SNX29: variants seen among roughly 807,000 people sequenced by gnomAD.
SNX29 encodes sorting nexin 29, also known as sorting nexin-29.
SNX29 carries 78 observed loss-of-function variants against 102.1 expected under a neutral mutation model. The observed-to-expected ratio is 0.76, with a 90% CI of 0.64 to 0.92. The LOEUF is 0.92. Among genes scored for constraint, SNX29 ranks in the 40% least tolerant of loss-of-function variants. SNX29 has a pLI of 0.00. For missense variants in SNX29, 1,280 were observed against 1,061.7 expected (o/e 1.21, Z -2.86); for synonymous variants, 580 against 414.5 (o/e 1.40, Z -4.85).
chr16:12,565,515 C>T (rs1473803645), intron 20 of SNX29, among the ~76,000 whole-genome samples: 1 of 152,234 alleles, frequency 6.6e-6, no homozygotes, highest in Non-Finnish European at 1.5e-5. Flanking sequence ...CGAGACATGG[C>T]TCTGCTCCAC....
At chr16:12,393,282 A>G (rs1399173562) in intron 16 of SNX29, among the ~76,000 whole-genome samples, 1 of 151,576 alleles carries the variant, frequency 6.6e-6, no homozygotes, top group Non-Finnish European at 1.5e-5. Flanking sequence ...TTTTGTCTCC[A>G]AACTAACTTA....
At chr16:12,459,640 C>T (rs2086693141) in intron 18 of SNX29, among the ~76,000 whole-genome samples, 1 of 152,314 alleles carries the variant, frequency 6.6e-6, no homozygotes, top group Non-Finnish European at 1.5e-5. Flanking sequence ...TATCTAGACC[C>T]TGAGCTCGGG....
chr16:12,003,424 T>C (rs965571887), intron 3 of SNX29, among the ~76,000 whole-genome samples: 2 of 152,214 alleles, frequency 1.3e-5, no homozygotes, highest in African/African-American at 4.8e-5. Context: ...TGGAATGTTA[T>C]ATAGCCATTA....
chr16:12,524,622 G>A, intron 19 of SNX29, 80 bp from the exon 20 acceptor site: 2 of 1,501,560 alleles, frequency 1.3e-6, no homozygotes, highest in Non-Finnish European at 1.8e-6. Context: ...GGCGCTGATG[G>A]GTGATCGCCT....
intron 11 of SNX29, among the ~76,000 whole-genome samples, chr16:12,095,874 C>G (rs1256437343): frequency 1.3e-5 from 2 of 152,080 alleles, no homozygotes; most frequent in East Asian, 3.8e-4. Flanking sequence ...TGAGGGGGTC[C>G]TTTTTTTTCC....
At chr16:12,298,816 T>A (rs1366453776) in intron 15 of SNX29, among the ~76,000 whole-genome samples, 1 of 152,124 alleles carries the variant, frequency 6.6e-6, no homozygotes, top group African/African-American at 2.4e-5. Flanking sequence ...CAGTTAGAGT[T>A]GCTTTCACAT....
At chr16:12,446,326 G>A (rs1341801654) in intron 18 of SNX29, among the ~76,000 whole-genome samples, 1 of 152,240 alleles carries the variant, frequency 6.6e-6, no homozygotes, top group Admixed American at 6.5e-5. Context: ...AAAGTGCTGG[G>A]ATTACAGGCG....
intron 19 of SNX29, among the ~76,000 whole-genome samples, chr16:12,494,481 T>C (rs1319243824): frequency 6.6e-6 from 1 of 152,154 alleles, no homozygotes; most frequent in African/African-American, 2.4e-5. Flanking sequence ...GGGCCGCAGA[T>C]TGCATTCTTT....
At chr16:12,109,316 T>G (rs2141254477) in intron 11 of SNX29, among the ~76,000 whole-genome samples, 2 of 151,946 alleles carry the variant, frequency 1.3e-5, no homozygotes, top group Middle Eastern at 6.8e-3. Flanking sequence ...CTCAGGTCTC[T>G]CTTCCTCTTC....
At chr16:12,540,446 A>G (rs1010577391) in intron 20 of SNX29, among the ~76,000 whole-genome samples, 2 of 152,222 alleles carry the variant, frequency 1.3e-5, no homozygotes, top group Non-Finnish European at 2.9e-5. Flanking sequence ...TGGAGGCCAG[A>G]AGTCCGAGAT....
intron 10 of SNX29, among the ~76,000 whole-genome samples, chr16:12,074,346 C>G (rs1241670819): frequency 6.6e-6 from 1 of 151,968 alleles, no homozygotes; most frequent in Admixed American, 6.6e-5. Flanking sequence ...CCTTCAGGAG[C>G]TCTTTTAGGG....
intron 18 of SNX29, 45 bp downstream of exon 18, chr16:12,403,574 A>G: frequency 4.5e-6 from 7 of 1,541,812 alleles, no homozygotes; most frequent in African/African-American, 1.4e-5. Flanking sequence ...GGGTGGAAAA[A>G]CGCCCATTTG....
At chr16:12,215,979 C>T (rs1041940785) in intron 14 of SNX29, among the ~76,000 whole-genome samples, 2 of 152,148 alleles carry the variant, frequency 1.3e-5, no homozygotes, top group Non-Finnish European at 2.9e-5. Context: ...TCTTTGCTGC[C>T]TTCTGGGCAA....
At chr16:12,265,842 A>C (rs967657147) in intron 14 of SNX29, among the ~76,000 whole-genome samples, 2 of 151,970 alleles carry the variant, frequency 1.3e-5, no homozygotes, top group Non-Finnish European at 2.9e-5. Flanking sequence ...GTAAGCCATG[A>C]TTGTATCATT....
At chr16:12,019,753 C>T (rs1567533172) in intron 3 of SNX29, among the ~76,000 whole-genome samples, 1 of 151,654 alleles carries the variant, frequency 6.6e-6, no homozygotes, top group Non-Finnish European at 1.5e-5. Flanking sequence ...TCTCTTGGCT[C>T]AGCCTCCCAA....
intron 18 of SNX29, among the ~76,000 whole-genome samples, chr16:12,422,015 C>T (rs770790371): frequency 1.7e-4 from 26 of 152,204 alleles, no homozygotes; most frequent in Non-Finnish European, 3.1e-4. Context: ...TCCCTTTCAT[C>T]GTCAGCCATC....
intron 11 of SNX29, among the ~76,000 whole-genome samples, chr16:12,101,028 T>G (rs893522166): frequency 6.6e-6 from 1 of 152,168 alleles, no homozygotes; most frequent in African/African-American, 2.4e-5. Context: ...CTCTTCTCAA[T>G]TCCCAGGACG....
intron 18 of SNX29, among the ~76,000 whole-genome samples, chr16:12,439,194 A>G (rs76538867): frequency 0.044 from 6,640 of 152,238 alleles, 321 homozygotes; most frequent in African/African-American, 0.13. Context: ...TGCAATGGGA[A>G]GCAGCCTCTG....
chr16:12,207,477 G>A (rs895548797), intron 14 of SNX29, among the ~76,000 whole-genome samples: 4 of 152,170 alleles, frequency 2.6e-5, no homozygotes, highest in South Asian at 2.1e-4. Flanking sequence ...CCCTGCTCCC[G>A]CAAGAATCCG....
Sources: allele counts gnomAD v4.1 joint callset (sites outside exome capture counted in the v4.1 genomes callset), GRCh38; gene constraint gnomAD v4.1.1; transcripts MANE v1.5; gene names NCBI Gene and HGNC (gene_info 2026-07-23, HGNC 2026-07-21).